KCNQ1: variants seen among roughly 807,000 people sequenced by gnomAD.
KCNQ1 encodes potassium voltage-gated channel subfamily KQT member 1.
In KCNQ1, 49 loss-of-function variants were observed where a neutral mutation model predicts 72.4. The observed-to-expected ratio is 0.68, with a 90% CI of 0.54 to 0.86. KCNQ1 has a LOEUF of 0.86. KCNQ1 is among the 40% of genes least tolerant of loss of function. KCNQ1 has a pLI of 0.00. For missense variants in KCNQ1, 790 were observed against 945.1 expected, an observed-to-expected ratio of 0.84 and a Z score of 2.15; for synonymous variants, 450 against 412.6, an observed-to-expected ratio of 1.09 and a Z score of -1.10.
rs935259794 is a variant in KCNQ1 at position 2,602,349 on chromosome 11, C to A, written c.1393+13495C>A. 3.3e-5 allele frequency among the ~76,000 whole-genome samples: 5 copies of A among 151,638 alleles called. No individual in the cohort carries two copies. Among genetic ancestry groups the A allele is most frequent in the South Asian group, 4.1e-4 (2 of 4,820 alleles). ...AAATGTATTACAGCAGCCATGGGAA[C>A]CTTATACATTGATAAGGATGACATG... is the stretch of plus-strand genomic sequence containing the variant. On this transcript the variant is annotated intron_variant, in intron 10 of 15. Coordinates refer to ENST00000155840, the MANE Select transcript of KCNQ1 (RefSeq NM_000218.3). The surrounding 1 kb of genome is among the most constrained non-coding windows in gnomAD (Gnocchi z 4.8).
At chr11:2,554,926 C>T (rs1162639896) in intron 2 of KCNQ1, among the ~76,000 whole-genome samples, 1 of 152,234 alleles carries the variant, frequency 6.6e-6, no homozygotes, top group Non-Finnish European at 1.5e-5. Flanking sequence ...ATTAAAATCT[C>T]TAGATTTGCA....
intron 11 of KCNQ1, among the ~76,000 whole-genome samples, chr11:2,726,842 G>A (rs189758907): frequency 5.3e-5 from 8 of 152,250 alleles, no homozygotes; most frequent in South Asian, 4.1e-4. Context: ...TGGCATGGGC[G>A]CCAGGTCTGC....
At position 2,498,637 on chromosome 11, in the gene KCNQ1, C is replaced by T. The variant is rs1471852016; in HGVS notation, c.387-29291C>T. Among the ~76,000 whole-genome samples the T allele has an allele frequency of 6.6e-6, 1 of 152,204 alleles. No homozygotes were observed. The highest frequency in any genetic ancestry group is 1.5e-5 in the Non-Finnish European group (1 of 68,038). ...TTGCTGGGCTCCATGGGAGTGGGAC[C>T]CACTGAGTGAGACCACTTGGCTTCC... On this transcript the variant is annotated intron_variant, in intron 1 of 15. Transcript: ENST00000155840. This position sits in a 1 kb window ranked among gnomAD's most constrained non-coding sequence, Gnocchi z 4.8.
rs939163972 is a variant in KCNQ1 at position 2,687,036 on chromosome 11, G to A, written c.1514+24955G>A. On this transcript the variant is annotated intron_variant, in intron 11 of 15. Transcript: ENST00000155840. The surrounding 1 kb of genome is among the most constrained non-coding windows in gnomAD (Gnocchi z 5.0). ...AAGAGCTTAGGGCTAAAACTCAGCA[G>A]TCCCAGCTCTGGGGGACAAGGACCC... 3 of 398,556 alleles carry A rather than the reference G, an allele frequency of 7.5e-6. No individual in the cohort carries two copies. The highest frequency in any genetic ancestry group is 4.1e-5 in the African/African-American group (2 of 48,632). The allele number at this position is 398,556 out of a possible 1,614,324, so 24.7% of individuals were successfully genotyped here.
rs1848230869 is a variant in KCNQ1 at position 2,565,235 on chromosome 11, T to G, written c.478-5393T>G. 6.6e-6 allele frequency among the ~76,000 whole-genome samples: 1 copy of G among 152,124 alleles called. No individual in the cohort carries two copies. The highest frequency in any genetic ancestry group is 2.1e-4 in the South Asian group (1 of 4,830). ...TTTAAAGGAGCTGTGGCATTCTACA[T>G]CCCCCAGCAGCACACAAGGTCCCAA... On this transcript the variant is annotated intron_variant, in intron 2 of 15. Transcript: ENST00000155840. This position sits in a 1 kb window ranked among gnomAD's most constrained non-coding sequence, Gnocchi z 5.6.
rs540914715 is a variant in KCNQ1, at chr11:2,451,618, G to T, written c.386+6134G>T. 3.2e-3 allele frequency among the ~76,000 whole-genome samples: 489 copies of T among 152,286 alleles called. 3 individuals carry two copies. The highest frequency in any genetic ancestry group is 4.2e-3 in the Non-Finnish European group (289 of 68,016). ...CTCCCTCATCGGCACCGGACTCTCAGGATGAGCCGCCTGGAGTCTGTTGGC... is the reference window on the plus strand; with the variant it reads ...CTCCCTCATCGGCACCGGACTCTCATGATGAGCCGCCTGGAGTCTGTTGGC... On this transcript the variant is annotated intron_variant, in intron 1 of 15. Transcript: ENST00000155840. This position sits in a 1 kb window ranked among gnomAD's most constrained non-coding sequence, Gnocchi z 6.4.
chr11:2,583,610 C>A, intron 7 of KCNQ1, 65 bp downstream of exon 7: 1 of 1,105,358 alleles, frequency 9.0e-7, no homozygotes, highest in Non-Finnish European at 1.4e-6. Flanking sequence ...GGTGGCTGCA[C>A]GCCCCTCCCT....
At chr11:2,667,385 T>A (rs1850096601) in intron 11 of KCNQ1, 1 of 398,690 alleles carries the variant, frequency 2.5e-6, no homozygotes, top group South Asian at 1.3e-4. Flanking sequence ...CCTGCCCCAG[T>A]GCACTCTGGC....
At chr11:2,635,014 C>T (rs1158920286) in intron 10 of KCNQ1, 1 of 152,186 alleles carries the variant, frequency 6.6e-6, no homozygotes, top group Non-Finnish European at 1.5e-5. Flanking sequence ...CCTTTGCCCA[C>T]TTTTTGATAG....
At chr11:2,794,323 C>T (rs1000474421) in intron 15 of KCNQ1, among the ~76,000 whole-genome samples, 5 of 152,184 alleles carry the variant, frequency 3.3e-5, no homozygotes, top group African/African-American at 9.7e-5. Context: ...TGAGCCCCCA[C>T]GTGGGGATGC....
chr11:2,521,948 C>T (rs953459888), intron 1 of KCNQ1, among the ~76,000 whole-genome samples: 1 of 152,240 alleles, frequency 6.6e-6, no homozygotes, highest in Non-Finnish European at 1.5e-5. Flanking sequence ...AGCCGTGGAG[C>T]CCACCCAGGC....
At chr11:2,681,889 A>G in intron 11 of KCNQ1, 1 of 398,596 alleles carries the variant, frequency 2.5e-6, no homozygotes. Context: ...AGGTGGGGAG[A>G]AAACACACCG....
At chr11:2,819,459 C>T (rs1847688388) in intron 15 of KCNQ1, among the ~76,000 whole-genome samples, 1 of 152,238 alleles carries the variant, frequency 6.6e-6, no homozygotes, top group Admixed American at 6.5e-5. Context: ...AGGGTCCAAA[C>T]ACCAGGTGCC....
At chr11:2,527,758 G>C (rs138683377) in intron 1 of KCNQ1, among the ~76,000 whole-genome samples, 170 bp from the exon 2 acceptor site, 172 of 152,368 alleles carry the variant, frequency 1.1e-3, no homozygotes, top group Non-Finnish European at 2.0e-3. Flanking sequence ...CATCCCTCGT[G>C]CGGACCTACC....
rs147445322 is a variant in KCNQ1, at chr11:2,847,803, G to A, written c.1831G>A (p.Asp611Asn). ...QLDQRLALIT[D>N]MLHQLLSLHG... ...GGACCAGAGGCTGGCACTCATCACC[G>A]ACATGCTTCACCAGCTGCTCTCCTT... Residue 611 changes from aspartate to asparagine, a missense_variant, in exon 16 of 16, where the codon GAC becomes AAC. By Grantham distance (23) the Asp-to-Asn change is conservative. This residue lies in a region of KCNQ1 where 91 missense variants were observed against 139.1 expected (regional missense o/e 0.65). Coordinates refer to ENST00000155840, the MANE Select transcript of KCNQ1 (RefSeq NM_000218.3). 7.6e-5 allele frequency: 119 copies of A among 1,571,356 alleles called. No individual in the cohort carries two copies. The highest frequency in any genetic ancestry group is 1.3e-4 in the Admixed American group (7 of 54,310).
chr11:2,697,759 T>C (rs1850703502), intron 11 of KCNQ1: 1 of 398,520 alleles, frequency 2.5e-6, no homozygotes, highest in Non-Finnish European at 4.4e-6. Flanking sequence ...TATTATTGGA[T>C]TCAGTTAGCT....
At position 2,847,679 on chromosome 11, in the gene KCNQ1, T is replaced by C; in HGVS notation, c.1795-88T>C. On this transcript the variant is annotated intron_variant, in intron 15 of 15. Transcript: ENST00000155840. ...TGCAGAGACGGTTGGCACCTTCCCT[T>C]CTCTGGCCCCAAACCTGGGCCCTGA... 5 of 1,274,506 alleles carry C rather than the reference T, an allele frequency of 3.9e-6. No homozygotes were observed. The South Asian group carries it at 6.4e-5, about 16-fold the overall frequency. The allele number at this position is 1,274,506 out of a possible 1,614,324, so 78.9% of individuals were successfully genotyped here.
At position 2,777,011 on chromosome 11, in the gene KCNQ1, T is replaced by A; in HGVS notation, c.1711T>A (p.Ser571Thr). The change falls in exon 14 of 16, where the codon TCA (serine) becomes ACA (threonine). Residue 571 changes from serine to threonine, a missense_variant. Ser to Thr is a moderately conservative substitution (Grantham distance 58). Around this residue, in one of 5 missense-constraint regions of KCNQ1, gnomAD observed 91 missense variants for 139.1 expected, o/e 0.65. Coordinates refer to ENST00000155840, the MANE Select transcript of KCNQ1 (RefSeq NM_000218.3). ...RRLDQSIGKP[S>T]LFISVSEKSK... ...GCTGGACCAGTCCATTGGGAAGCCC[T>A]CACTGTTCATCTCCGTCTCAGGTGG... The A allele has an allele frequency of 6.2e-7, 1 of 1,614,122 alleles. No homozygotes were observed. The highest frequency in any genetic ancestry group is 8.5e-7 in the Non-Finnish European group (1 of 1,179,998).
At chr11:2,758,935 T>G (rs1213307332) in intron 11 of KCNQ1, among the ~76,000 whole-genome samples, 1 of 152,066 alleles carries the variant, frequency 6.6e-6, no homozygotes, top group East Asian at 1.9e-4. Context: ...GAGGGGGTCT[T>G]TCTGGTGGGG....
Sources: gnomAD v4.1 joint callset for allele counts (sites outside exome capture counted in the v4.1 genomes callset) on GRCh38, gnomAD v4.1.1 for gene constraint, gnomAD v4.1.1 regional missense constraint, Gnocchi (gnomAD v3.1) non-coding constraint, MANE v1.5 for transcripts, NCBI Gene and HGNC (gene_info 2026-07-23, HGNC 2026-07-21) for gene names.